Variants in DTD1 observed in about 807,000 individuals in gnomAD.
The protein encoded by DTD1 is D-tyrosyl-tRNA deacylase 1 homolog.
In DTD1, 13 loss-of-function variants were observed where a neutral mutation model predicts 25.6. That is an observed-to-expected ratio of 0.51 (90% CI 0.33 to 0.81). DTD1 has a LOEUF of 0.81. Ranked by LOEUF, DTD1 falls within the 30% of genes least tolerant of loss-of-function variation. DTD1 has a pLI of 0.02. For synonymous variants in DTD1, 110 were observed against 103.6 expected, an observed-to-expected ratio of 1.06 and a Z score of -0.37; for missense variants, 193 against 266.4, an observed-to-expected ratio of 0.72 and a Z score of 1.92.
chr20:18,621,860 C>G (rs1003202037), intron 3 of DTD1, among the ~76,000 whole-genome samples: 1 of 152,042 alleles, frequency 6.6e-6, no homozygotes, highest in Non-Finnish European at 1.5e-5. Context: ...GTCAGGAGAT[C>G]GAGACTATCC....
chr20:18,612,184 G>A (rs6136435), intron 3 of DTD1, among the ~76,000 whole-genome samples: 48,239 of 150,782 alleles, frequency 0.32, 8,053 homozygotes, highest in Non-Finnish European at 0.37. Context: ...ACAGGTGCCC[G>A]CCACTACGCC....
At position 18,763,836 on chromosome 20, in the gene DTD1, A is replaced by G. The variant is rs2061372180; in HGVS notation, c.*496A>G. ...ATAATGTATTGTGTGAGACCTTTGC[A>G]TCTTGTAAATTTTCTCTTTTTTCTA... On this transcript the variant is annotated 3_prime_UTR_variant, in exon 6 of 6. Transcript: ENST00000377452. 6.6e-6 allele frequency: 1 copy of G among 152,232 alleles called. No individual in the cohort carries two copies. The highest frequency in any genetic ancestry group is 1.5e-5 in the Non-Finnish European group (1 of 68,046). 9.4% of individuals were successfully genotyped at this position (152,232 alleles called of 1,614,324 possible).
At chr20:18,743,623 G>A (rs1378457429) in intron 4 of DTD1, among the ~76,000 whole-genome samples, 3 of 144,206 alleles carry the variant, frequency 2.1e-5, no homozygotes, top group East Asian at 2.0e-4. Context: ...GCAGTGAACT[G>A]TGACCGCACC....
intron 1 of DTD1, among the ~76,000 whole-genome samples, chr20:18,588,422 G>A (rs1390466695): frequency 6.6e-6 from 1 of 152,234 alleles, no homozygotes; most frequent in Non-Finnish European, 1.5e-5. Flanking sequence ...GCGGGATGGC[G>A]GAGCCTCGGA....
chr20:18,638,473 C>T (rs1384355198), intron 4 of DTD1, among the ~76,000 whole-genome samples: 5 of 152,072 alleles, frequency 3.3e-5, no homozygotes, highest in South Asian at 2.1e-4. Context: ...TAGGTGCAAG[C>T]GCTAGGGAAG....
chr20:18,735,961 C>G (rs983614864), intron 4 of DTD1, among the ~76,000 whole-genome samples: 1 of 152,108 alleles, frequency 6.6e-6, no homozygotes, highest in Non-Finnish European at 1.5e-5. Flanking sequence ...AGTTCATCAA[C>G]TATCATTAGT....
At chr20:18,656,582 G>T (rs189575822) in intron 4 of DTD1, among the ~76,000 whole-genome samples, 1 of 152,328 alleles carries the variant, frequency 6.6e-6, no homozygotes, top group African/African-American at 2.4e-5. Context: ...GGAGCACATG[G>T]ATGCTGGGGG....
chr20:18,731,324 T>G (rs1211882616), intron 4 of DTD1, among the ~76,000 whole-genome samples: 1 of 152,254 alleles, frequency 6.6e-6, no homozygotes, highest in Non-Finnish European at 1.5e-5. Flanking sequence ...AAAAATGACA[T>G]GAACTGATTT....
intron 4 of DTD1, among the ~76,000 whole-genome samples, chr20:18,708,181 ATT>A (rs1491534043): frequency 1.4e-4 from 14 of 96,802 alleles, no homozygotes; most frequent in African/African-American, 2.5e-4. Context: ...GTATATATAT[ATT>A]TTATATATAT....
intron 4 of DTD1, chr20:18,631,687 C>G: frequency 1.0e-6 from 1 of 985,442 alleles, no homozygotes. Context: ...TGGCTGGAGC[C>G]TTGTTTCCCA....
chr20:18,681,398 G>A (rs572496668), intron 4 of DTD1, among the ~76,000 whole-genome samples: 3 of 152,302 alleles, frequency 2.0e-5, no homozygotes, highest in Non-Finnish European at 2.9e-5. Flanking sequence ...GATGTCATCC[G>A]CTTGAGCCAT....
intron 4 of DTD1, among the ~76,000 whole-genome samples, chr20:18,708,218 A>AT (rs1568676578): frequency 2.5e-3 from 14 of 5,660 alleles, no homozygotes; most frequent in African/African-American, 3.6e-3. Context: ...TTATATATAT[A>AT]ATATATATAT....
intron 5 of DTD1, among the ~76,000 whole-genome samples, chr20:18,761,234 A>C (rs1380328851): frequency 6.6e-6 from 1 of 152,092 alleles, no homozygotes; most frequent in Non-Finnish European, 1.5e-5. Context: ...ACTGTCCTGC[A>C]TCCACTGTCC....
intron 4 of DTD1, among the ~76,000 whole-genome samples, chr20:18,723,992 C>T (rs2061214632): frequency 6.6e-6 from 1 of 152,168 alleles, no homozygotes; most frequent in Non-Finnish European, 1.5e-5. Flanking sequence ...AGAGTCACCA[C>T]CACATTTCCA....
At chr20:18,734,479 G>A (rs1232710140) in intron 4 of DTD1, among the ~76,000 whole-genome samples, 1 of 152,244 alleles carries the variant, frequency 6.6e-6, no homozygotes, top group Non-Finnish European at 1.5e-5. Context: ...ACAAAGGGCA[G>A]TGGGCTTCTC....
intron 4 of DTD1, among the ~76,000 whole-genome samples, chr20:18,662,258 A>G (rs1430149743): frequency 2.0e-5 from 3 of 152,266 alleles, no homozygotes; most frequent in Admixed American, 2.0e-4. Context: ...TTAAAAATCA[A>G]TAATACTAGC....
chr20:18,648,130 C>A (rs529774693), intron 4 of DTD1, among the ~76,000 whole-genome samples: 1 of 152,144 alleles, frequency 6.6e-6, no homozygotes, highest in African/African-American at 2.4e-5. Flanking sequence ...GATAAAGGAC[C>A]AGGTCACGGG....
intron 4 of DTD1, among the ~76,000 whole-genome samples, chr20:18,635,174 A>C (rs564573355): frequency 1.2e-3 from 176 of 152,342 alleles, no homozygotes; most frequent in Middle Eastern, 3.4e-3. Flanking sequence ...GATGGTAGCC[A>C]GATCTTGTCA....
chr20:18,613,217 T>C (rs1440514396), intron 3 of DTD1, among the ~76,000 whole-genome samples: 1 of 152,210 alleles, frequency 6.6e-6, no homozygotes, highest in African/African-American at 2.4e-5. Context: ...ACACTTTATC[T>C]GTCAGCCCTT....
Sources: allele counts gnomAD v4.1 joint callset (sites outside exome capture counted in the v4.1 genomes callset), GRCh38; gene constraint gnomAD v4.1.1; transcripts MANE v1.5; gene names NCBI Gene and HGNC (gene_info 2026-07-23, HGNC 2026-07-21).